Variants in KAT7 observed in about 807,000 individuals in gnomAD.
KAT7 encodes the protein lysine acetyltransferase 7.
In KAT7, 10 loss-of-function variants were observed where a neutral mutation model predicts 82.1. That is an observed-to-expected ratio of 0.12 (90% CI 0.08 to 0.21). The LOEUF is 0.21. Among genes scored for constraint, KAT7 ranks in the 10% least tolerant of loss-of-function variants. The probability of loss-of-function intolerance (pLI) is 1.00; values close to 1 mark genes in which losing one functional copy is unlikely to be tolerated. For synonymous variants in KAT7, 250 were observed against 262.5 expected (o/e 0.95, Z 0.46); for missense variants, 378 against 760.9 (o/e 0.50, Z 5.92).
At chr17:49,806,047 C>G (rs2074088260) in intron 5 of KAT7, among the ~76,000 whole-genome samples, 1 of 152,066 alleles carries the variant, frequency 6.6e-6, no homozygotes, top group African/African-American at 2.4e-5. Flanking sequence ...GTTGCTGTTC[C>G]CAAGGATGGA....
intron 12 of KAT7, chr17:49,823,565 T>A: frequency 2.8e-6 from 1 of 359,538 alleles, no homozygotes; most frequent in Non-Finnish European, 5.1e-6. Flanking sequence ...TTTGAGACTT[T>A]TAAACAGCAC....
intron 2 of KAT7, among the ~76,000 whole-genome samples, chr17:49,795,828 T>TGC (rs1175280606): frequency 1.3e-5 from 2 of 152,218 alleles, no homozygotes; most frequent in East Asian, 3.8e-4. Flanking sequence ...ATAGTTGCAA[T>TGC]GTTTATAGGG....
intron 4 of KAT7, among the ~76,000 whole-genome samples, chr17:49,801,981 A>T (rs1221543104): frequency 6.6e-6 from 1 of 152,206 alleles, no homozygotes; most frequent in African/African-American, 2.4e-5. Flanking sequence ...TTCTACATAT[A>T]TAAGCACACG....
At chr17:49,798,633 G>C (rs754037717) in intron 4 of KAT7, 75 bp downstream of exon 4, 23 of 1,477,492 alleles carry the variant, frequency 1.6e-5, no homozygotes, top group Non-Finnish European at 2.0e-5. Flanking sequence ...AATGTTTTGT[G>C]TTCTGTTGGG....
At chr17:49,798,269 C>G (rs912992268) in intron 3 of KAT7, 50 bp from the exon 4 acceptor site, 5 of 1,579,470 alleles carry the variant, frequency 3.2e-6, no homozygotes, top group Middle Eastern at 1.7e-4. Context: ...TAGTAAACTT[C>G]TAAATAAATG....
chr17:49,820,187 T>G (rs1202159309), intron 9 of KAT7, among the ~76,000 whole-genome samples: 1 of 152,122 alleles, frequency 6.6e-6, no homozygotes, highest in Non-Finnish European at 1.5e-5. Flanking sequence ...AGTTCGAGGC[T>G]GCAGTGAGCT....
At chr17:49,798,615 C>A in intron 4 of KAT7, 57 bp downstream of exon 4, 1 of 1,524,962 alleles carries the variant, frequency 6.6e-7, no homozygotes, top group South Asian at 1.3e-5. Context: ...CTCCCAGGAT[C>A]ATCCAGAAAT....
chr17:49,803,574 GCCA>G, intron 4 of KAT7, among the ~76,000 whole-genome samples: 1 of 151,950 alleles, frequency 6.6e-6, no homozygotes, highest in Non-Finnish European at 1.5e-5. Flanking sequence ...ACAGGCACCC[GCCA>G]CCACACCCGG....
chr17:49,811,986 G>A (rs2074171766), intron 7 of KAT7, among the ~76,000 whole-genome samples: 1 of 151,928 alleles, frequency 6.6e-6, no homozygotes, highest in Non-Finnish European at 1.5e-5. Context: ...GTATTAATTG[G>A]GTGAATATTC....
intron 9 of KAT7, among the ~76,000 whole-genome samples, chr17:49,819,905 A>G (rs2074280753): frequency 6.6e-6 from 1 of 152,226 alleles, no homozygotes; most frequent in Non-Finnish European, 1.5e-5. Flanking sequence ...CATATGACAA[A>G]TTGGAACATG....
intron 1 of KAT7, 174 bp downstream of exon 1, chr17:49,789,023 C>T: frequency 3.9e-6 from 2 of 507,458 alleles, no homozygotes; most frequent in Non-Finnish European, 6.8e-6. Context: ...CCGACCCTGG[C>T]CTCGGCCTAT....
chr17:49,826,180 T>C, intron 13 of KAT7, 34 bp downstream of exon 13: 5 of 1,602,058 alleles, frequency 3.1e-6, no homozygotes, highest in Non-Finnish European at 4.3e-6. Context: ...GGTTGATTGT[T>C]ACCCAAGAAG....
At chr17:49,822,373 G>A (rs1000740196) in intron 11 of KAT7, among the ~76,000 whole-genome samples, 2 of 151,886 alleles carry the variant, frequency 1.3e-5, no homozygotes, top group Non-Finnish European at 2.9e-5. Context: ...GATAACAGGC[G>A]CCTGCCACCA....
intron 5 of KAT7, among the ~76,000 whole-genome samples, chr17:49,808,276 C>A (rs184112592): frequency 6.6e-6 from 1 of 151,534 alleles, no homozygotes; most frequent in Non-Finnish European, 1.5e-5. Flanking sequence ...TGCGCCACCA[C>A]GCCTGGCTAG....
intron 3 of KAT7, among the ~76,000 whole-genome samples, chr17:49,797,221 G>A (rs1254501155): frequency 2.6e-5 from 4 of 152,102 alleles, no homozygotes; most frequent in Non-Finnish European, 4.4e-5. Context: ...CTGCCACCAC[G>A]CCAGGCTAAT....
chr17:49,789,167 C>T, intron 1 of KAT7: 1 of 255,176 alleles, frequency 3.9e-6, no homozygotes, highest in East Asian at 7.0e-5. Flanking sequence ...TCCCCGCGTG[C>T]GGGGGCGGTG....
intron 14 of KAT7, 34 bp from the exon 15 acceptor site, chr17:49,827,367 G>A: frequency 7.6e-7 from 1 of 1,316,702 alleles, no homozygotes; most frequent in South Asian, 1.2e-5. Context: ...TGAGTTGAAA[G>A]TATGTAATCC....
At position 49,815,859 on chromosome 17, in the gene KAT7, C is replaced by T. The variant is rs773298063; in HGVS notation, c.909C>T (p.Ser303=). The part of the protein sequence containing the change: ...TREPLLENLT[S]EYDLDLFRRA... ...AACCTCTTTTAGAAAACCTGACAAG[C>T]GAGTATGACTTGGATCTTTTCCGAA... Residue 303 remains serine (S), a synonymous_variant, in exon 8 of 15, where the codon AGC becomes AGT. Coordinates refer to ENST00000259021, the MANE Select transcript of KAT7 (RefSeq NM_007067.5). 8 of 1,613,706 alleles carry T rather than the reference C, an allele frequency of 5.0e-6. No homozygotes were observed. Among genetic ancestry groups the T allele is most frequent in the Admixed American group, 1.7e-5 (1 of 60,004 alleles).
chr17:49,827,492 A>AGTT lies in KAT7; in HGVS notation c.1827_1828insTTG (p.Lys609_Gly610insLeu). 6.2e-7 allele frequency: 1 copy of AGTT among 1,607,878 alleles called. No individual in the cohort carries two copies. The highest frequency in any genetic ancestry group is 8.5e-7 in the Non-Finnish European group (1 of 1,174,346). On this transcript the variant is annotated inframe_insertion, in exon 15 of 15. Transcript: ENST00000259021. ...AGCTGCTTAAAATGGACCCCTCCCA[A>AGTT]GGGCACTTAAAGTGACCTGTCATTC... is the stretch of plus-strand genomic sequence containing the variant.
Sources: gnomAD v4.1 joint callset for allele counts (sites outside exome capture counted in the v4.1 genomes callset) on GRCh38, gnomAD v4.1.1 for gene constraint, MANE v1.5 for transcripts, NCBI Gene and HGNC (gene_info 2026-07-23, HGNC 2026-07-21) for gene names.